RILPL1: variants seen among roughly 807,000 people sequenced by gnomAD.
RILPL1 encodes the protein Rab interacting lysosomal protein like 1.
Under a neutral mutation model 50.3 loss-of-function variants are expected in RILPL1, and 33 were observed. That is an observed-to-expected ratio of 0.66 (90% CI 0.50 to 0.88). RILPL1 has a LOEUF of 0.88. Ranked by LOEUF, RILPL1 falls within the 40% of genes least tolerant of loss-of-function variation. The pLI is 0.00. For missense variants in RILPL1, 418 were observed against 542.5 expected, an observed-to-expected ratio of 0.77 and a Z score of 2.28; for synonymous variants, 205 against 228.6, an observed-to-expected ratio of 0.90 and a Z score of 0.93.
intron 4 of RILPL1, among the ~76,000 whole-genome samples, chr12:123,493,428 G>A (rs1423934328): frequency 6.6e-6 from 1 of 152,088 alleles, no homozygotes. Context: ...AGAGGCTGGC[G>A]GGATCCTCCA....
chr12:123,475,744 A>G, intron 6 of RILPL1: 1 of 1,585,900 alleles, frequency 6.3e-7, no homozygotes, highest in Non-Finnish European at 8.5e-7. Context: ...TTATGGCTGT[A>G]AAGATCCTGG....
At chr12:123,475,897 ATTT>A (rs375190049) in intron 6 of RILPL1, 2,814 of 391,104 alleles carry the variant, frequency 7.2e-3, no homozygotes, top group Middle Eastern at 0.015. Context: ...TTCACTTAAA[ATTT>A]TTTTTTTTTT....
intron 2 of RILPL1, among the ~76,000 whole-genome samples, chr12:123,507,696 C>T (rs967901933): frequency 6.6e-6 from 1 of 152,044 alleles, no homozygotes; most frequent in Non-Finnish European, 1.5e-5. Context: ...AATCCCAGCA[C>T]TTTGGAAGGC....
Position 123,509,361 on chromosome 12 carries a change from C to T in RILPL1, c.461-9825G>A, listed in dbSNP as rs566753477. Among the ~76,000 whole-genome samples, 99 of 152,032 alleles carry T rather than the reference C, an allele frequency of 6.5e-4. No homozygotes were observed. The South Asian group carries it at 0.015, about 23-fold the overall frequency. ...GGTGGATCACCTGAAGTTGGGAGTT[C>T]GAGACCAGCCTGACCAACACGGAGA... is the stretch of plus-strand genomic sequence containing the variant. On this transcript the variant is annotated intron_variant, in intron 2 of 6. Transcript: ENST00000376874.
intron 2 of RILPL1, among the ~76,000 whole-genome samples, chr12:123,516,629 T>C (rs1050347094): frequency 6.6e-6 from 1 of 152,210 alleles, no homozygotes; most frequent in Admixed American, 6.5e-5. Flanking sequence ...TAGATCGCTG[T>C]AATCCCAGCG....
intron 2 of RILPL1, among the ~76,000 whole-genome samples, chr12:123,511,389 G>GTA (rs1183862725): frequency 7.3e-6 from 1 of 137,874 alleles, no homozygotes; most frequent in African/African-American, 2.7e-5. Context: ...TGTGTGTGTG[G>GTA]TGTGTGAGGT....
At chr12:123,497,584 G>A in intron 4 of RILPL1, among the ~76,000 whole-genome samples, 1 of 151,994 alleles carries the variant, frequency 6.6e-6, no homozygotes, top group East Asian at 1.9e-4. Context: ...TAGAGACGGG[G>A]TTTTACCATG....
At chr12:123,473,947 G>A (rs938622033) in intron 6 of RILPL1, 1 of 151,958 alleles carries the variant, frequency 6.6e-6, no homozygotes, top group East Asian at 1.9e-4. Flanking sequence ...CCAGGCTGGA[G>A]TGCAATGGCT....
intron 2 of RILPL1, among the ~76,000 whole-genome samples, chr12:123,521,964 G>A (rs1318094840): frequency 2.6e-5 from 4 of 151,744 alleles, no homozygotes; most frequent in Admixed American, 1.3e-4. Context: ...TCGTAGAGAC[G>A]GGGTTTCATC....
At chr12:123,512,029 G>A (rs1179591792) in intron 2 of RILPL1, among the ~76,000 whole-genome samples, 3 of 141,972 alleles carry the variant, frequency 2.1e-5, no homozygotes, top group African/African-American at 7.9e-5. Flanking sequence ...TGTGTGTAGT[G>A]TGTGAGGTTT....
intron 6 of RILPL1, among the ~76,000 whole-genome samples, chr12:123,477,988 T>C (rs1480441950): frequency 5.8e-4 from 1 of 1,716 alleles, no homozygotes; most frequent in Non-Finnish European, 2.7e-3. Context: ...TCTGTATGTC[T>C]TTTTTTTTTT....
chr12:123,497,133 A>G (rs1883081327), intron 4 of RILPL1, among the ~76,000 whole-genome samples: 1 of 152,200 alleles, frequency 6.6e-6, no homozygotes, highest in Admixed American at 6.5e-5. Context: ...ATTCCTCTTT[A>G]GAGCTGAATC....
chr12:123,493,340 C>T (rs1402876941), intron 4 of RILPL1, among the ~76,000 whole-genome samples: 1 of 152,178 alleles, frequency 6.6e-6, no homozygotes, highest in Non-Finnish European at 1.5e-5. Context: ...ACCCTCTCCC[C>T]ACTATTGTCT....
At chr12:123,532,615 C>T (rs1885472340) in intron 1 of RILPL1, among the ~76,000 whole-genome samples, 1 of 145,666 alleles carries the variant, frequency 6.9e-6, no homozygotes, top group Non-Finnish European at 1.5e-5. Flanking sequence ...AGGGGAGTCC[C>T]GGGAAGAAAG....
At chr12:123,480,690 G>A (rs1343951984) in intron 6 of RILPL1, among the ~76,000 whole-genome samples, 2 of 151,770 alleles carry the variant, frequency 1.3e-5, no homozygotes, top group Admixed American at 1.3e-4. Flanking sequence ...TTTAAGCAAA[G>A]CCAGTCCCAT....
chr12:123,508,536 C>G (rs1213943381), intron 2 of RILPL1, among the ~76,000 whole-genome samples: 1 of 152,198 alleles, frequency 6.6e-6, no homozygotes, highest in Non-Finnish European at 1.5e-5. Flanking sequence ...GAATTAATCT[C>G]TGGAGACAAA....
chr12:123,470,683 C>T lies in RILPL1; in HGVS notation c.*1855G>A, dbSNP rs1313632895. ...CATGTAGTCCCAGCTACTTGGGAGG[C>T]TCAGGCATGAGAATTGCTTGAACTC... On this transcript the variant is annotated 3_prime_UTR_variant, in exon 7 of 7. Transcript: ENST00000376874. The T allele has an allele frequency of 6.6e-6, 1 of 152,148 alleles. No homozygotes were observed. Among genetic ancestry groups the T allele is most frequent in the Non-Finnish European group, 1.5e-5 (1 of 68,086 alleles). 9.4% of individuals were successfully genotyped at this position (152,148 alleles called of 1,614,324 possible).
intron 4 of RILPL1, among the ~76,000 whole-genome samples, chr12:123,494,966 G>A (rs149551621): frequency 2.3e-3 from 345 of 152,236 alleles, no homozygotes; most frequent in African/African-American, 7.8e-3. Context: ...AGGTCTTTGC[G>A]CTAAGTCACT....
chr12:123,523,491 T>A lies in RILPL1; in HGVS notation c.460+4A>T, dbSNP rs781664119. 20 of 1,613,850 alleles carry A rather than the reference T, an allele frequency of 1.2e-5. No homozygotes were observed. Among genetic ancestry groups the A allele is most frequent in the Non-Finnish European group, 1.7e-5 (20 of 1,179,876 alleles). On this transcript the variant is annotated splice_donor_region_variant and intron_variant, in intron 2 of 6. Coordinates refer to ENST00000376874, the MANE Select transcript of RILPL1 (RefSeq NM_178314.5). The stretch of plus-strand genomic sequence containing the variant: ...CCCTTGCATTGGCGCCGACCCCCAC[T>A]TACCTTCATGCTTCTGGAACTCCTC...
Sources: gnomAD v4.1 joint callset for allele counts (sites outside exome capture counted in the v4.1 genomes callset) on GRCh38, gnomAD v4.1.1 for gene constraint, MANE v1.5 for transcripts, NCBI Gene and HGNC (gene_info 2026-07-23, HGNC 2026-07-21) for gene names.